Variants in SAMM50 observed in about 807,000 individuals in gnomAD.
The protein encoded by SAMM50 is SAMM50 sorting and assembly machinery component, also known as sorting and assembly machinery component 50 homolog.
In SAMM50, 47 loss-of-function variants were observed where a neutral mutation model predicts 66.9. The ratio of observed to expected loss-of-function variants is 0.70; its 90% CI spans 0.56 to 0.90. The LOEUF is 0.90. Ranked by LOEUF, SAMM50 falls within the 40% of genes least tolerant of loss-of-function variation. SAMM50 has a pLI of 0.00. For synonymous variants in SAMM50, 191 were observed against 214.1 expected (o/e 0.89, Z 0.94); for missense variants, 535 against 595.3 (o/e 0.90, Z 1.05).
chr22:43,994,567 A>G (rs970605842), intron 14 of SAMM50, among the ~76,000 whole-genome samples: 1 of 152,184 alleles, frequency 6.6e-6, no homozygotes, highest in Non-Finnish European at 1.5e-5. Context: ...CAAGTTCGTC[A>G]GAAGCCTTTG....
At chr22:43,996,255 C>T in intron 14 of SAMM50, 83 bp from the exon 15 acceptor site, 1 of 1,480,796 alleles carries the variant, frequency 6.8e-7, no homozygotes, top group Non-Finnish European at 9.4e-7. Flanking sequence ...GCGGCACCTT[C>T]TGAGAGGCGC....
chr22:43,978,659 A>C (rs1227270412), intron 10 of SAMM50, among the ~76,000 whole-genome samples: 1 of 148,260 alleles, frequency 6.7e-6, no homozygotes, highest in Non-Finnish European at 1.5e-5. Context: ...TTTAATCTTT[A>C]GTCCTGTTGG....
chr22:43,990,616 C>CT (rs1416159810), intron 14 of SAMM50, among the ~76,000 whole-genome samples: 2 of 152,180 alleles, frequency 1.3e-5, no homozygotes, highest in Non-Finnish European at 2.9e-5. Context: ...TTCCCACCCC[C>CT]TCCCTCAGGT....
In SAMM50 at chr22:43,957,198, C is replaced by T. The variant is rs1320688317; in HGVS notation, c.21+1600C>T. ...CAAAGAACAACATAGTGACTCCTGG[C>T]GGCAAATCAAACAAAGCCAGAGTAA... On this transcript the variant is annotated intron_variant, in intron 1 of 14. Coordinates refer to ENST00000350028, the MANE Select transcript of SAMM50 (RefSeq NM_015380.5). 4 of 683,058 alleles carry T rather than the reference C, an allele frequency of 5.9e-6. No homozygotes were observed. The East Asian group carries it at 1.0e-4, about 18-fold the overall frequency. 42.3% of individuals were successfully genotyped at this position (683,058 alleles called of 1,614,324 possible). A position where few individuals can be genotyped will look rare whatever the true frequency, so the allele number is the denominator to read the frequency against.
chr22:43,985,950 T>A (rs2050290197), intron 12 of SAMM50, among the ~76,000 whole-genome samples: 1 of 151,812 alleles, frequency 6.6e-6, no homozygotes, highest in Admixed American at 6.5e-5. Context: ...TTTTTTTTTT[T>A]CTTTTATGAT....
rs192367025 is a variant in SAMM50 at position 43,960,116 on chromosome 22, G to A, written c.22-3170G>A. 3.2e-4 allele frequency among the ~76,000 whole-genome samples: 48 copies of A among 152,292 alleles called. No individual in the cohort carries two copies. In the East Asian group the frequency reaches 7.9e-3, roughly 25 times the overall value. On this transcript the variant is annotated intron_variant, in intron 1 of 14. Coordinates refer to ENST00000350028, the MANE Select transcript of SAMM50 (RefSeq NM_015380.5). ...GGATATAAACCTTTGCCTAGATAAA[G>A]CATTTTTGCTAGGCATTCAGATTAA...
chr22:43,958,793 C>T (rs1016446919), intron 1 of SAMM50, among the ~76,000 whole-genome samples: 1 of 152,070 alleles, frequency 6.6e-6, no homozygotes, highest in Admixed American at 6.5e-5. Flanking sequence ...GCTCTTTTTA[C>T]ATTAAAATTG....
chr22:43,955,471 T>C lies in SAMM50; in HGVS notation c.-107T>C, dbSNP rs2294920. On this transcript the variant is annotated 5_prime_UTR_variant, in exon 1 of 15. Coordinates refer to ENST00000350028, the MANE Select transcript of SAMM50 (RefSeq NM_015380.5). ...TTCCGCGTCCGGGGGTTTGTGGGAG[T>C]TGCCTTGACCTGCAGCTCCGCCACC... is the stretch of plus-strand genomic sequence containing the variant. 160,511 of 1,315,590 alleles carry C rather than the reference T, an allele frequency of 0.12. 11,104 individuals are homozygous for C. Among genetic ancestry groups the C allele is most frequent in the South Asian group, 0.23 (18,219 of 79,292 alleles). The allele number at this position is 1,315,590 out of a possible 1,614,324, so 81.5% of individuals were successfully genotyped here.
chr22:43,969,486 AGGGGCTTCGGTCAGT>A (rs1336422230), intron 4 of SAMM50, among the ~76,000 whole-genome samples: 6 of 152,036 alleles, frequency 3.9e-5, no homozygotes, highest in African/African-American at 1.4e-4. Context: ...CTCCTCCTGA[AGGGGCTTCGGTCAGT>A]GGGGCTGGGT....
At chr22:43,985,481 G>A (rs555382475) in intron 12 of SAMM50, among the ~76,000 whole-genome samples, 6 of 152,106 alleles carry the variant, frequency 3.9e-5, no homozygotes, top group African/African-American at 4.8e-5. Flanking sequence ...CTTCTTTTCC[G>A]TAGTAATATG....
At chr22:43,955,637 G>T in intron 1 of SAMM50, 39 bp downstream of exon 1, 1 of 1,562,096 alleles carries the variant, frequency 6.4e-7, no homozygotes, top group East Asian at 2.3e-5. Context: ...GAGGCCTCTG[G>T]GCCAGCAGGG....
At chr22:43,981,216 CTTCGA>C (rs749839145) in intron 10 of SAMM50, among the ~76,000 whole-genome samples, 170 bp from the exon 11 acceptor site, 3 of 152,214 alleles carry the variant, frequency 2.0e-5, no homozygotes, top group Non-Finnish European at 4.4e-5. Flanking sequence ...CCACGTGGCC[CTTCGA>C]AGGGTAGCTC....
rs1441019762 is a variant in SAMM50 at position 43,968,604 on chromosome 22, GT to G, written c.235-126del. The G allele has an allele frequency of 7.3e-6, 5 of 682,350 alleles. No individual in the cohort carries two copies. The African/African-American group carries it at 8.8e-5, about 12-fold the overall frequency. 42.3% of individuals were successfully genotyped at this position (682,350 alleles called of 1,614,324 possible). A position where few individuals can be genotyped will look rare whatever the true frequency, so the allele number is the denominator to read the frequency against. On this transcript the variant is annotated intron_variant, in intron 3 of 14. Coordinates refer to ENST00000350028, the MANE Select transcript of SAMM50 (RefSeq NM_015380.5). ...TTCTGTCATGTGGCTGGTCTTGGTAGTGCTCTCTGCTCAGTGATCTGACTTA... is the reference window on the plus strand; with the variant it reads ...TTCTGTCATGTGGCTGGTCTTGGTAGGCTCTCTGCTCAGTGATCTGACTTA...
In SAMM50 at chr22:43,983,956, G is replaced by A. The variant is rs1294508060; in HGVS notation, c.1031G>A (p.Ser344Asn). 2 of 1,611,586 alleles carry A rather than the reference G, an allele frequency of 1.2e-6. No individual in the cohort carries two copies. Among genetic ancestry groups the A allele is most frequent in the African/African-American group, 1.3e-5 (1 of 74,882 alleles). The change falls in exon 12 of 15, where the codon AGC becomes AAC. Residue 344 changes from serine (S) to asparagine (N), a missense_variant. Ser to Asn is a conservative substitution (Grantham distance 46). Coordinates refer to ENST00000350028, the MANE Select transcript of SAMM50 (RefSeq NM_015380.5). The surrounding 1 kb of genome is among the most constrained non-coding windows in gnomAD (Gnocchi z 4.2). Reference sequence around the variant, plus strand: ...AGGTTTTACCTTGGGGGACCCACAAGCATCCGCGGATTCAGCATGCACAGC... The same window carrying A: ...AGGTTTTACCTTGGGGGACCCACAAACATCCGCGGATTCAGCATGCACAGC... ...ADRFYLGGPT[S>N]IRGFSMHSIG...
chr22:43,987,082 T>G (rs2146825909), intron 12 of SAMM50: 1 of 152,300 alleles, frequency 6.6e-6, no homozygotes, highest in East Asian at 1.9e-4. Context: ...GAGCTGAGCC[T>G]TTACCTACCT....
intron 1 of SAMM50, among the ~76,000 whole-genome samples, chr22:43,956,476 T>C (rs977812749): frequency 1.3e-5 from 2 of 152,224 alleles, no homozygotes; most frequent in African/African-American, 2.4e-5. Context: ...TTCATTCAGA[T>C]CAAACACCGT....
intron 1 of SAMM50, among the ~76,000 whole-genome samples, chr22:43,959,507 T>TACACACACGCAC (rs1555887097): frequency 1.4e-5 from 2 of 138,490 alleles, no homozygotes; most frequent in African/African-American, 5.6e-5. Context: ...TTTTTTATAT[T>TACACACACGCAC]ACACACACAC....
intron 10 of SAMM50, among the ~76,000 whole-genome samples, chr22:43,978,557 C>T (rs1312832245): frequency 6.6e-6 from 1 of 151,782 alleles, no homozygotes; most frequent in African/African-American, 2.4e-5. Context: ...AGGGGTGTCT[C>T]CTGCCCTTGA....
intron 1 of SAMM50, among the ~76,000 whole-genome samples, chr22:43,962,914 T>TTTTTTA (rs2050154167): frequency 7.3e-6 from 1 of 137,288 alleles, no homozygotes; most frequent in South Asian, 2.4e-4. Context: ...TTTTTTTTTT[T>TTTTTTA]AGAGATGGGG....
Sources: gnomAD v4.1 joint callset for allele counts (sites outside exome capture counted in the v4.1 genomes callset) on GRCh38, gnomAD v4.1.1 for gene constraint, Gnocchi (gnomAD v3.1) non-coding constraint, MANE v1.5 for transcripts, NCBI Gene and HGNC (gene_info 2026-07-23, HGNC 2026-07-21) for gene names.